The following TANK variants were observed in gnomAD, a reference collection of about 807,000 sequenced individuals.
TANK encodes TRAF family member-associated NF-kappa-B activator.
Under a neutral mutation model 43.6 loss-of-function variants are expected in TANK, and 15 were observed. The observed-to-expected ratio is 0.34, with a 90% confidence interval of 0.23 to 0.53. TANK has a LOEUF of 0.53. Ranked by LOEUF, TANK falls within the 20% of genes least tolerant of loss-of-function variation. TANK has a pLI of 0.94. For missense variants in TANK, 417 were observed against 498.6 expected (o/e 0.84, Z 1.56); for synonymous variants, 162 against 178.2 (o/e 0.91, Z 0.73).
At chr2:161,148,654 T>A (rs1683985859) in intron 1 of TANK, among the ~76,000 whole-genome samples, 1 of 152,332 alleles carries the variant, frequency 6.6e-6, no homozygotes, top group Non-Finnish European at 1.5e-5. Context: ...GTTTTATCTC[T>A]TATATTTAGG....
chr2:161,201,942 C>T (rs954683782), intron 2 of TANK, among the ~76,000 whole-genome samples: 1 of 152,096 alleles, frequency 6.6e-6, no homozygotes, highest in African/African-American at 2.4e-5. Flanking sequence ...TAATTGGAAT[C>T]CGTATTTCCT....
At chr2:161,184,290 T>C (rs1685558284) in intron 2 of TANK, among the ~76,000 whole-genome samples, 1 of 152,104 alleles carries the variant, frequency 6.6e-6, no homozygotes, top group African/African-American at 2.4e-5. Context: ...TAGAGATAGA[T>C]AGGATACAGA....
chr2:161,186,994 T>G (rs1685690657), intron 2 of TANK, among the ~76,000 whole-genome samples: 1 of 152,170 alleles, frequency 6.6e-6, no homozygotes, highest in Non-Finnish European at 1.5e-5. Flanking sequence ...TAAAATAGTT[T>G]TCTTGATTAA....
intron 1 of TANK, among the ~76,000 whole-genome samples, chr2:161,152,800 G>A (rs1017089050): frequency 6.6e-6 from 1 of 152,038 alleles, no homozygotes; most frequent in Non-Finnish European, 1.5e-5. Context: ...CTAGATATTG[G>A]ACTTACTAGA....
intron 1 of TANK, among the ~76,000 whole-genome samples, chr2:161,153,687 C>CAAAAAA (rs11395042): frequency 7.9e-5 from 6 of 76,318 alleles, no homozygotes; most frequent in Admixed American, 1.5e-4. Context: ...GGCCCTGTCT[C>CAAAAAA]AAAAAAAAAA....
chr2:161,192,864 T>C (rs1027470194), intron 2 of TANK, among the ~76,000 whole-genome samples: 1 of 152,246 alleles, frequency 6.6e-6, no homozygotes, highest in Non-Finnish European at 1.5e-5. Context: ...GAATCTATAC[T>C]GAAACTAGGT....
At chr2:161,173,552 C>A (rs188796971) in intron 1 of TANK, among the ~76,000 whole-genome samples, 1 of 152,030 alleles carries the variant, frequency 6.6e-6, no homozygotes, top group Non-Finnish European at 1.5e-5. Context: ...GAATGAAATG[C>A]GTAAATCTCT....
chr2:161,180,183 A>AG, intron 2 of TANK: 4 of 860,258 alleles, frequency 4.6e-6, no homozygotes, highest in Non-Finnish European at 5.6e-6. Flanking sequence ...TTAAGAACTA[A>AG]ATTTGGTATT....
At chr2:161,207,053 C>T (rs1243774474) in intron 4 of TANK, among the ~76,000 whole-genome samples, 1 of 151,658 alleles carries the variant, frequency 6.6e-6, no homozygotes, top group Non-Finnish European at 1.5e-5. Flanking sequence ...GTTATTTATG[C>T]AAGTTTTAGA....
At chr2:161,178,710 G>A (rs1685284173) in intron 1 of TANK, among the ~76,000 whole-genome samples, 1 of 152,092 alleles carries the variant, frequency 6.6e-6, no homozygotes, top group Non-Finnish European at 1.5e-5. Flanking sequence ...TGTGCCTGAA[G>A]ATATAACAAA....
intron 4 of TANK, among the ~76,000 whole-genome samples, chr2:161,218,416 C>T (rs1358701845): frequency 6.6e-6 from 1 of 152,206 alleles, no homozygotes; most frequent in African/African-American, 2.4e-5. Context: ...GTAGTTAAAG[C>T]TACTGGGGCA....
At chr2:161,188,760 GA>G (rs1033479661) in intron 2 of TANK, among the ~76,000 whole-genome samples, 6 of 152,170 alleles carry the variant, frequency 3.9e-5, no homozygotes, top group Admixed American at 6.5e-5. Flanking sequence ...GCTATGGTTT[GA>G]ATGTTTGTCG....
At chr2:161,175,857 A>T (rs1234120693) in intron 1 of TANK, among the ~76,000 whole-genome samples, 1 of 152,122 alleles carries the variant, frequency 6.6e-6, no homozygotes, top group Non-Finnish European at 1.5e-5. Context: ...CAGTGGGTAG[A>T]TGAGAGTATC....
At chr2:161,175,637 G>T (rs1685143054) in intron 1 of TANK, among the ~76,000 whole-genome samples, 1 of 152,080 alleles carries the variant, frequency 6.6e-6, no homozygotes, top group Admixed American at 6.6e-5. Context: ...TCTTGCTCAT[G>T]CTACCTCTCT....
rs147175535 is a variant in TANK, at chr2:161,144,497, C to T, written c.-50+7434C>T. ...TAGCTGTGTCCCAGAGATTCTGGTA[C>T]ATCATCTCGTTTTCATTAGTTTCAA... is the stretch of plus-strand genomic sequence containing the variant. On this transcript the variant is annotated intron_variant, in intron 1 of 7. Coordinates refer to the TANK transcript ENST00000259075. Among the ~76,000 whole-genome samples, 830 of 151,758 alleles carry T rather than the reference C, an allele frequency of 5.5e-3. 7 individuals are homozygous for T. The highest frequency in any genetic ancestry group is 0.019 in the African/African-American group (779 of 41,472).
intron 2 of TANK, chr2:161,200,272 T>C (rs1007291837): frequency 8.4e-5 from 68 of 806,116 alleles, no homozygotes; most frequent in Non-Finnish European, 1.0e-4. Context: ...GGGTCTTTGA[T>C]AGTGCTAGAA....
At chr2:161,143,460 A>G (rs1573938896) in intron 1 of TANK, among the ~76,000 whole-genome samples, 1 of 151,600 alleles carries the variant, frequency 6.6e-6, no homozygotes, top group East Asian at 1.9e-4. Context: ...GCTGTCATAA[A>G]TAGCTCTTTT....
At chr2:161,232,072 G>A (rs915346181) in intron 7 of TANK, among the ~76,000 whole-genome samples, 2 of 152,046 alleles carry the variant, frequency 1.3e-5, no homozygotes, top group African/African-American at 4.8e-5. Context: ...GTTTAGTTTG[G>A]TTTTGGTTGC....
intron 2 of TANK, among the ~76,000 whole-genome samples, chr2:161,180,755 A>G (rs1438307316): frequency 2.6e-5 from 4 of 152,206 alleles, no homozygotes; most frequent in Non-Finnish European, 1.5e-5. Flanking sequence ...GTAAAGATAT[A>G]TAGCCAGATT....
Sources: allele counts gnomAD v4.1 joint callset (sites outside exome capture counted in the v4.1 genomes callset), GRCh38; gene constraint gnomAD v4.1.1; transcripts MANE v1.5; gene names NCBI Gene and HGNC (gene_info 2026-07-23, HGNC 2026-07-21).